Variants in RND3 observed in about 807,000 individuals in gnomAD.
The protein encoded by RND3 is Rho family GTPase 3.
In RND3, 8 loss-of-function variants were observed where a neutral mutation model predicts 26.5. That is an observed-to-expected ratio of 0.30 (90% CI 0.18 to 0.54). RND3 has a LOEUF of 0.54. Among genes scored for constraint, RND3 ranks in the 20% least tolerant of loss-of-function variants. The pLI, the probability that RND3 is intolerant of heterozygous loss-of-function variation, is 0.94. For missense variants in RND3, 207 were observed against 302.8 expected, an observed-to-expected ratio of 0.68 and a Z score of 2.35; for synonymous variants, 113 against 113.0, an observed-to-expected ratio of 1.00 and a Z score of 0.00.
intron 4 of RND3, among the ~76,000 whole-genome samples, chr2:150,473,402 G>C (rs1686116688): frequency 6.6e-6 from 1 of 152,116 alleles, no homozygotes. Flanking sequence ...ACTACATCAA[G>C]TAAAATCTCT....
Position 150,486,882 on chromosome 2 carries a change from G to T in RND3, c.151-101C>A. 1.2e-6 allele frequency: 1 copy of T among 867,654 alleles called. No homozygotes were observed. Among genetic ancestry groups the T allele is most frequent in the South Asian group, 1.3e-5 (1 of 75,190 alleles). The allele number at this position is 867,654 out of a possible 1,614,324, so 53.7% of individuals were successfully genotyped here. A position where few individuals can be genotyped will look rare whatever the true frequency, so the allele number is the denominator to read the frequency against. ...ACACCCTTCCCCTCCCCGCTCCCCA[G>T]TTAAGAAAGAAAACCTTCACACATC... On this transcript the variant is annotated intron_variant, in intron 2 of 5. Transcript: ENST00000263895. This position sits in a 1 kb window ranked among gnomAD's most constrained non-coding sequence, Gnocchi z 4.5.
At chr2:150,479,662 A>G (rs1315428012) in intron 3 of RND3, among the ~76,000 whole-genome samples, 2 of 152,208 alleles carry the variant, frequency 1.3e-5, no homozygotes, top group Admixed American at 1.3e-4. Flanking sequence ...GATCTGCCCA[A>G]TTATTACAAG....
At chr2:150,474,275 C>T (rs184311847) in intron 4 of RND3, among the ~76,000 whole-genome samples, 1 of 152,250 alleles carries the variant, frequency 6.6e-6, no homozygotes, top group East Asian at 1.9e-4. Flanking sequence ...TTACCTTTGC[C>T]TCCATAAACT....
intron 4 of RND3, 141 bp downstream of exon 4, chr2:150,474,734 T>G (rs1391688226): frequency 2.1e-6 from 1 of 486,898 alleles, no homozygotes; most frequent in Non-Finnish European, 3.7e-6. Flanking sequence ...CCCATTTTGG[T>G]GTGAAAGGGT....
At chr2:150,481,123 G>A (rs758708724) in intron 3 of RND3, among the ~76,000 whole-genome samples, 10 of 152,286 alleles carry the variant, frequency 6.6e-5, no homozygotes, top group Non-Finnish European at 8.8e-5. Context: ...TGGAAGAAAC[G>A]TTAAAAACTT....
intron 5 of RND3, among the ~76,000 whole-genome samples, chr2:150,471,202 C>G (rs1686084261): frequency 6.6e-6 from 1 of 152,102 alleles, no homozygotes; most frequent in Admixed American, 6.6e-5. Context: ...TGAGAATGAG[C>G]TTTTGAAACT....
chr2:150,487,158 T>C, intron 2 of RND3, 110 bp downstream of exon 2: 2 of 816,394 alleles, frequency 2.4e-6, no homozygotes, highest in Non-Finnish European at 3.5e-6. Flanking sequence ...ACTTTTTTTT[T>C]TCTTTTTTTT....
At chr2:150,483,806 TA>T (rs1686315126) in intron 3 of RND3, among the ~76,000 whole-genome samples, 1 of 151,398 alleles carries the variant, frequency 6.6e-6, no homozygotes, top group Admixed American at 6.6e-5. Context: ...TGTGTTTAAC[TA>T]ACTAACATTT....
chr2:150,479,357 C>G (rs1686232909), intron 3 of RND3, among the ~76,000 whole-genome samples: 1 of 151,956 alleles, frequency 6.6e-6, no homozygotes, highest in Non-Finnish European at 1.5e-5. Context: ...AAGATTCATG[C>G]CCAAAAGGAA....
At chr2:150,487,160 CTTTT>C in intron 2 of RND3, 104 bp downstream of exon 2, 5 of 487,884 alleles carry the variant, frequency 1.0e-5, no homozygotes, top group Non-Finnish European at 1.5e-5. Flanking sequence ...TTTTTTTTTT[CTTTT>C]TTTTTTTTTT....
At chr2:150,476,589 CA>C (rs1275391904) in intron 3 of RND3, among the ~76,000 whole-genome samples, 1 of 152,204 alleles carries the variant, frequency 6.6e-6, no homozygotes, top group African/African-American at 2.4e-5. Context: ...TGAGCTGCAG[CA>C]GCTGCCTACC....
At chr2:150,470,336 C>A in intron 5 of RND3, 98 bp from the exon 6 acceptor site, 1 of 1,313,506 alleles carries the variant, frequency 7.6e-7, no homozygotes, top group Non-Finnish European at 1.0e-6. Flanking sequence ...CATTGCAAAA[C>A]GTTTGCTGAT....
At position 150,487,464 on chromosome 2, in the gene RND3, G is replaced by GAAAAAAA. The variant is rs71422244; in HGVS notation, c.-38-16_-38-10dup. 1.6e-4 allele frequency: 47 copies of GAAAAAAA among 288,310 alleles called. 1 individual carries two copies. Among genetic ancestry groups the GAAAAAAA allele is most frequent in the Non-Finnish European group, 2.0e-4 (35 of 179,310 alleles). The allele number at this position is 288,310 out of a possible 1,614,324, so 17.9% of individuals were successfully genotyped here. ...TGGAACAGGAATTTTCTCTTAAGAA[G>GAAAAAAA]AAAAAAAAAAATATATATATATATA... On this transcript the variant is annotated splice_polypyrimidine_tract_variant and intron_variant, in intron 1 of 5. Transcript: ENST00000263895.
In RND3 at chr2:150,486,671, C is replaced by T. The variant is rs376661879; in HGVS notation, c.238+23G>A. 4 of 1,558,676 alleles carry T rather than the reference C, an allele frequency of 2.6e-6. No individual in the cohort carries two copies. Among genetic ancestry groups the T allele is most frequent in the Non-Finnish European group, 3.5e-6 (4 of 1,129,586 alleles). On this transcript the variant is annotated intron_variant, in intron 3 of 5. Coordinates refer to ENST00000263895, the MANE Select transcript of RND3 (RefSeq NM_005168.5). The surrounding 1 kb of genome is among the most constrained non-coding windows in gnomAD (Gnocchi z 4.5). ...AGCGACTGGAAACCCGCCCCAAGCG[C>T]CACGCGGTCCTCCCACTCTTACCCG...
rs746037801 is a variant in RND3, at chr2:150,471,658, T to G, written c.452A>C (p.Asn151Thr). ...TDVSTLVELSNHRQTPVSYDQ... is the reference protein window; with the variant it reads ...TDVSTLVELSTHRQTPVSYDQ... ...ATAGGACACTGGCGTCTGCCTGTGA[T>G]TGGAGAGCTCTACTAATGTACTAAC... The change falls in exon 5 of 6, where the codon AAT (asparagine) becomes ACT (threonine). Residue 151 changes from asparagine (N) to threonine (T), a missense_variant. By Grantham distance (65) the Asn-to-Thr change is moderately conservative (BLOSUM62 0). Transcript: ENST00000263895. The G allele has an allele frequency of 6.2e-7, 1 of 1,613,140 alleles. No homozygotes were observed. Among genetic ancestry groups the G allele is most frequent in the Admixed American group, 1.7e-5 (1 of 59,944 alleles).
chr2:150,473,710 G>A (rs1038387327), intron 4 of RND3, among the ~76,000 whole-genome samples: 4 of 152,096 alleles, frequency 2.6e-5, no homozygotes, highest in African/African-American at 4.8e-5. Flanking sequence ...GAGACAGAAG[G>A]ATTATTATAC....
At chr2:150,484,659 T>C (rs977717750) in intron 3 of RND3, among the ~76,000 whole-genome samples, 1 of 152,132 alleles carries the variant, frequency 6.6e-6, no homozygotes, top group African/African-American at 2.4e-5. Flanking sequence ...CAAAAAGACC[T>C]GCCTGTCCAG....
chr2:150,475,157 A>T (rs1453259789), intron 3 of RND3, 173 bp from the exon 4 acceptor site: 2 of 537,368 alleles, frequency 3.7e-6, no homozygotes, highest in Non-Finnish European at 6.7e-6. Flanking sequence ...GCTTAGAAAT[A>T]TATGATGAAT....
Position 150,487,116 on chromosome 2 carries a change from T to G in RND3, c.150+152A>C, listed in dbSNP as rs7561501. ...GCGCACTTTCCCTTTCCCCGCAGTC[T>G]AATCAGGGGAAAGTAGTAAGGACCG... On this transcript the variant is annotated intron_variant, in intron 2 of 5. Transcript: ENST00000263895. 2,164 of 676,800 alleles carry G rather than the reference T, an allele frequency of 3.2e-3. 34 individuals carry two copies. In the African/African-American group the frequency reaches 0.037, roughly 11 times the overall value. The allele number at this position is 676,800 out of a possible 1,614,324, so 41.9% of individuals were successfully genotyped here.
Sources: gnomAD v4.1 joint callset for allele counts (sites outside exome capture counted in the v4.1 genomes callset) on GRCh38, gnomAD v4.1.1 for gene constraint, Gnocchi (gnomAD v3.1) non-coding constraint, MANE v1.5 for transcripts, NCBI Gene and HGNC (gene_info 2026-07-23, HGNC 2026-07-21) for gene names.